The following GRAMD1B variants were observed in gnomAD, a reference collection of about 807,000 sequenced individuals.
GRAMD1B encodes the protein GRAM domain containing 1B, also known as protein Aster-B.
In GRAMD1B, 37 loss-of-function variants were observed where a neutral mutation model predicts 99.7. The ratio of observed to expected loss-of-function variants is 0.37; its 90% CI spans 0.29 to 0.49. GRAMD1B has a LOEUF of 0.49. Among genes scored for constraint, GRAMD1B ranks in the 20% least tolerant of loss-of-function variants. GRAMD1B has a pLI of 0.98. For synonymous variants in GRAMD1B, 427 were observed against 387.6 expected (o/e 1.10, Z -1.19); for missense variants, 888 against 1,009.2 (o/e 0.88, Z 1.63).
chr11:123,513,463 T>C (rs1269323954), intron 2 of GRAMD1B, among the ~76,000 whole-genome samples: 1 of 151,990 alleles, frequency 6.6e-6, no homozygotes, highest in Non-Finnish European at 1.5e-5. Context: ...AGATGATGAA[T>C]TGTTACTGAG....
intron 4 of GRAMD1B, among the ~76,000 whole-genome samples, chr11:123,592,505 A>T (rs1419397050): frequency 6.6e-6 from 1 of 152,204 alleles, no homozygotes; most frequent in Non-Finnish European, 1.5e-5. Flanking sequence ...TGATAACTCC[A>T]TGTTAGCCAC....
At chr11:123,523,236 G>A (rs180684438) in intron 2 of GRAMD1B, among the ~76,000 whole-genome samples, 222 of 152,306 alleles carry the variant, frequency 1.5e-3, no homozygotes, top group African/African-American at 5.0e-3. Flanking sequence ...GGAGACTGAG[G>A]CAGGAGAATT....
At chr11:123,423,331 C>T (rs1415872070) in intron 1 of GRAMD1B, among the ~76,000 whole-genome samples, 1 of 151,864 alleles carries the variant, frequency 6.6e-6, no homozygotes, top group Non-Finnish European at 1.5e-5. Context: ...TTTCTTCTCC[C>T]CTCCACTCCC....
chr11:123,494,210 G>A (rs1266124325), intron 2 of GRAMD1B, among the ~76,000 whole-genome samples: 3 of 152,052 alleles, frequency 2.0e-5, no homozygotes, highest in Non-Finnish European at 2.9e-5. Flanking sequence ...TTTTGTTAAT[G>A]CTGACATTCT....
At chr11:123,399,093 C>A (rs533146684) in intron 1 of GRAMD1B, among the ~76,000 whole-genome samples, 1 of 152,282 alleles carries the variant, frequency 6.6e-6, no homozygotes, top group East Asian at 1.9e-4. Context: ...CCTCATTTCC[C>A]TCTCTCCCAG....
intron 1 of GRAMD1B, among the ~76,000 whole-genome samples, chr11:123,413,015 C>T (rs1361227195): frequency 6.6e-6 from 1 of 152,150 alleles, no homozygotes; most frequent in Non-Finnish European, 1.5e-5. Context: ...CTCCTGACTT[C>T]AGGAAATCCA....
chr11:123,408,305 G>A (rs1947924886), intron 1 of GRAMD1B, among the ~76,000 whole-genome samples: 1 of 152,182 alleles, frequency 6.6e-6, no homozygotes, highest in Admixed American at 6.5e-5. Flanking sequence ...TTACACTGGT[G>A]GAGAAAACCA....
At chr11:123,425,790 C>T (rs191273477), upstream of GRAMD1B, among the ~76,000 whole-genome samples, 20 of 152,340 alleles carry the variant, frequency 1.3e-4, 1 homozygote, top group Admixed American at 4.6e-4. Flanking sequence ...CAGCCTCCTC[C>T]TCCACACTGC....
intron 14 of GRAMD1B, among the ~76,000 whole-genome samples, chr11:123,612,104 T>G (rs1953677289): frequency 6.6e-6 from 1 of 151,818 alleles, no homozygotes; most frequent in African/African-American, 2.4e-5. Flanking sequence ...TTTTTTTTTC[T>G]GAGACAGGAT....
rs4063750 is a variant in GRAMD1B at position 123,602,301 on chromosome 11, A to AATTATTATTATTATTATT, written c.1051-1121_1051-1104dup. Among the ~76,000 whole-genome samples, 47 of 150,406 alleles carry AATTATTATTATTATTATT rather than the reference A, an allele frequency of 3.1e-4. No individual in the cohort carries two copies. In the South Asian group the frequency reaches 6.1e-3, roughly 20 times the overall value. Reference sequence around the variant, plus strand: ...GAAACTGTGGGCTTGGGAGCTCTCAAATTATTATTATTATTATTATTGTTA... The same window carrying AATTATTATTATTATTATT: ...GAAACTGTGGGCTTGGGAGCTCTCAAATTATTATTATTATTATTATTATTATTATTATTATTATTGTTA... On this transcript the variant is annotated intron_variant, in intron 8 of 19. Coordinates refer to ENST00000635736, the MANE Select transcript of GRAMD1B (RefSeq NM_001387025.1).
chr11:123,516,698 C>A (rs1266307099), intron 2 of GRAMD1B, among the ~76,000 whole-genome samples: 1 of 152,150 alleles, frequency 6.6e-6, no homozygotes, highest in African/African-American at 2.4e-5. Context: ...TGATTACAAA[C>A]CTATGCTCGT....
intron 1 of GRAMD1B, among the ~76,000 whole-genome samples, chr11:123,446,660 CAG>C (rs1021835897): frequency 1.3e-5 from 2 of 152,132 alleles, no homozygotes; most frequent in African/African-American, 4.8e-5. Flanking sequence ...GCTTCACTGC[CAG>C]AGAGATGCGA....
chr11:123,496,080 CT>C (rs1939219795), intron 2 of GRAMD1B, among the ~76,000 whole-genome samples: 1 of 152,040 alleles, frequency 6.6e-6, no homozygotes, highest in African/African-American at 2.4e-5. Context: ...TTTCTTTTTG[CT>C]CATTAACATC....
chr11:123,371,840 C>T (rs947532288), intron 1 of GRAMD1B, among the ~76,000 whole-genome samples: 2 of 152,212 alleles, frequency 1.3e-5, no homozygotes, highest in African/African-American at 4.8e-5. Context: ...TTACCCCAGG[C>T]TCAGCCTCAA....
At chr11:123,507,789 A>G (rs746008788) in intron 2 of GRAMD1B, among the ~76,000 whole-genome samples, 2 of 152,210 alleles carry the variant, frequency 1.3e-5, no homozygotes, top group Non-Finnish European at 2.9e-5. Context: ...AAGGCCTCAA[A>G]GGGAAGTGTC....
intron 1 of GRAMD1B, among the ~76,000 whole-genome samples, chr11:123,462,214 G>C (rs1368888671): frequency 1.3e-5 from 2 of 151,830 alleles, no homozygotes; most frequent in East Asian, 3.9e-4. Flanking sequence ...TGATCTGCCC[G>C]CCTTGGCCTC....
intron 1 of GRAMD1B, among the ~76,000 whole-genome samples, chr11:123,403,632 C>T (rs1240912855): frequency 1.3e-5 from 2 of 151,688 alleles, no homozygotes; most frequent in African/African-American, 4.8e-5. Context: ...CAACCTCTGC[C>T]TCCCGGGTTC....
At chr11:123,424,266 A>AG (rs1948568383) in intron 1 of GRAMD1B, among the ~76,000 whole-genome samples, 1 of 151,528 alleles carries the variant, frequency 6.6e-6, no homozygotes, top group African/African-American at 2.4e-5. Context: ...AAAAAAAAAA[A>AG]AAAAGAAAAA....
intron 1 of GRAMD1B, among the ~76,000 whole-genome samples, chr11:123,359,961 C>T (rs559647130): frequency 1.3e-5 from 2 of 152,192 alleles, no homozygotes; most frequent in African/African-American, 4.8e-5. Context: ...CTCCTGGGAA[C>T]TTTTGGGGAG....
Sources: gnomAD v4.1 joint callset for allele counts (sites outside exome capture counted in the v4.1 genomes callset) on GRCh38, gnomAD v4.1.1 for gene constraint, MANE v1.5 for transcripts, NCBI Gene and HGNC (gene_info 2026-07-23, HGNC 2026-07-21) for gene names.